Variants in ARHGEF11 observed in about 807,000 individuals in gnomAD.
ARHGEF11 encodes the protein Rho guanine nucleotide exchange factor 11, also known as Rho guanine exchange factor (GEF) 11.
A neutral mutation model predicts 193.7 loss-of-function variants in ARHGEF11; 55 were observed. The ratio of observed to expected loss-of-function variants is 0.28; its 90% CI spans 0.23 to 0.36. The LOEUF is 0.36. Ranked by LOEUF, ARHGEF11 falls within the 10% of genes least tolerant of loss-of-function variation. The pLI is 1.00. For synonymous variants in ARHGEF11, 693 were observed against 768.0 expected, an observed-to-expected ratio of 0.90 and a Z score of 1.62; for missense variants, 1,723 against 2,005.6, an observed-to-expected ratio of 0.86 and a Z score of 2.69.
At position 156,937,369 on chromosome 1, in the gene ARHGEF11, C is replaced by A. The variant is rs1232939425; in HGVS notation, c.4320G>T (p.Leu1440=). Residue 1440 remains leucine (L), a synonymous_variant, in exon 39 of 41, where the codon CTG becomes CTT. Transcript: ENST00000368194. ...GTCTTGGATCATCGTTGCCTCCCTG[C>A]AGCTGAGGCTGAGGCTCTGTCTGCC... is the stretch of plus-strand genomic sequence containing the variant. ...PAGQTEPQPQ[L]QGGNDDPRRP... 2.5e-6 allele frequency: 4 copies of A among 1,610,536 alleles called. No homozygotes were observed. Among genetic ancestry groups the A allele is most frequent in the East Asian group, 4.5e-5 (2 of 44,858 alleles).
intron 1 of ARHGEF11, among the ~76,000 whole-genome samples, chr1:156,997,573 G>A (rs762532041): frequency 6.6e-5 from 10 of 152,190 alleles, no homozygotes; most frequent in Non-Finnish European, 2.9e-5. Context: ...GAAAGCACAG[G>A]TGAGGGACAG....
rs373310420 is a variant in ARHGEF11 at position 156,936,944 on chromosome 1, G to A, written c.4502C>T (p.Thr1501Ile). The change falls in exon 40 of 41, where the codon ACC becomes ATC. Residue 1501 changes from threonine to isoleucine, a missense_variant. Physicochemically the swap from Thr to Ile is moderately conservative, Grantham distance 89 (BLOSUM62 -1). Coordinates refer to ENST00000368194, the MANE Select transcript of ARHGEF11 (RefSeq NM_198236.3). Reference sequence around the variant, plus strand: ...TGTGTGGAAACTGCCCACAGGCGTGGTGCCACCAGATGACTCTCCCCCAAG... The same window carrying A: ...TGTGTGGAAACTGCCCACAGGCGTGATGCCACCAGATGACTCTCCCCCAAG... The part of the protein sequence containing the change: ...KSLGGESSGG[T>I]TPVGSFHTEA... The A allele has an allele frequency of 1.5e-5, 24 of 1,613,964 alleles. No homozygotes were observed. Among genetic ancestry groups the A allele is most frequent in the Non-Finnish European group, 1.9e-5 (22 of 1,180,016 alleles).
chr1:156,980,391 T>A, intron 4 of ARHGEF11, 46 bp downstream of exon 4: 1 of 1,583,368 alleles, frequency 6.3e-7, no homozygotes, highest in South Asian at 1.2e-5. Flanking sequence ...GCCCTGCACA[T>A]CTATTTCCAC....
At position 157,038,593 on chromosome 1, in the gene ARHGEF11, C is replaced by G. The variant is rs184517878; in HGVS notation, c.32+5706G>C. On this transcript the variant is annotated intron_variant, in intron 1 of 40. Transcript: ENST00000368194. Reference sequence around the variant, plus strand: ...GGGAGAGGCCTTCAACCTGTCTTTACTAGGTTAAGAGACACCCTATTTGGA... The same window carrying G: ...GGGAGAGGCCTTCAACCTGTCTTTAGTAGGTTAAGAGACACCCTATTTGGA... 5.3e-5 allele frequency among the ~76,000 whole-genome samples: 8 copies of G among 152,330 alleles called. 1 individual carries two copies. The highest frequency in any genetic ancestry group is 1.7e-4 in the African/African-American group (7 of 41,580).
Position 156,946,104 on chromosome 1 carries a change from T to C in ARHGEF11, c.2753A>G (p.Glu918Gly). 2 of 1,613,690 alleles carry C rather than the reference T, an allele frequency of 1.2e-6. No individual in the cohort carries two copies. The highest frequency in any genetic ancestry group is 1.7e-6 in the Non-Finnish European group (2 of 1,179,966). ...RLQLRDLIIS[E>G]MQRLTKYPLL... Reference sequence around the variant, plus strand: ...CGGGTACTTGGTGAGCCGCTGCATCTCAGAGATGATGAGGTCTCTCAGCTG... The same window carrying C: ...CGGGTACTTGGTGAGCCGCTGCATCCCAGAGATGATGAGGTCTCTCAGCTG... Residue 918 changes from glutamate (E) to glycine (G), a missense_variant, in exon 29 of 41, where the codon GAG becomes GGG. By Grantham distance (98) the Glu-to-Gly change is moderately conservative. Around this residue, in one of 5 missense-constraint regions of ARHGEF11, gnomAD observed 491 missense variants for 654.5 expected, o/e 0.75. Coordinates refer to ENST00000368194, the MANE Select transcript of ARHGEF11 (RefSeq NM_198236.3).
chr1:156,967,523 C>CT (rs1187615875), intron 11 of ARHGEF11, among the ~76,000 whole-genome samples: 1 of 151,914 alleles, frequency 6.6e-6, no homozygotes, highest in Non-Finnish European at 1.5e-5. Context: ...TGGAAGTGCC[C>CT]TTGAGGGCAG....
At chr1:156,998,638 C>T (rs978622360) in intron 1 of ARHGEF11, among the ~76,000 whole-genome samples, 16 of 152,126 alleles carry the variant, frequency 1.1e-4, no homozygotes, top group Non-Finnish European at 1.8e-4. Flanking sequence ...TTTGCTGAAG[C>T]CCTAAGTCAG....
intron 1 of ARHGEF11, among the ~76,000 whole-genome samples, chr1:157,003,060 T>C (rs1385347964): frequency 6.6e-6 from 1 of 152,266 alleles, no homozygotes; most frequent in Non-Finnish European, 1.5e-5. Context: ...AATTCCTTAT[T>C]GATTGATTGT....
At chr1:156,937,185 A>G in intron 39 of ARHGEF11, 64 bp downstream of exon 39, 1 of 1,605,886 alleles carries the variant, frequency 6.2e-7, no homozygotes, top group Non-Finnish European at 8.5e-7. Flanking sequence ...CATCTCACTC[A>G]TGGGGAATGG....
At chr1:157,040,323 G>A (rs1327227582) in intron 1 of ARHGEF11, among the ~76,000 whole-genome samples, 4 of 152,166 alleles carry the variant, frequency 2.6e-5, no homozygotes, top group African/African-American at 4.8e-5. Flanking sequence ...CTAAATGTCT[G>A]GGGACTTCTT....
At position 156,984,354 on chromosome 1, in the gene ARHGEF11, G is replaced by T. The variant is rs773252903; in HGVS notation, c.208C>A (p.Gln70Lys). The T allele has an allele frequency of 6.3e-7, 1 of 1,590,972 alleles. No individual in the cohort carries two copies. Among genetic ancestry groups the T allele is most frequent in the East Asian group, 2.3e-5 (1 of 44,360 alleles). ...TVSGDRIVLVQSVRPGGAAMK... is the reference protein window; with the variant it reads ...TVSGDRIVLVKSVRPGGAAMK... ...CAGCACTCACCAGGCCGCACAGACT[G>T]CACCAGAACAATGCGATCCCCACTG... The change falls in exon 3 of 41, where the codon CAG becomes AAG. Residue 70 changes from glutamine to lysine, a missense_variant. Coordinates refer to ENST00000368194, the MANE Select transcript of ARHGEF11 (RefSeq NM_198236.3).
At chr1:157,007,101 AC>A (rs1470245541) in intron 1 of ARHGEF11, among the ~76,000 whole-genome samples, 1 of 152,336 alleles carries the variant, frequency 6.6e-6, no homozygotes, top group East Asian at 1.9e-4. Context: ...TTCTCCACAT[AC>A]ATTTCAGGGT....
chr1:156,940,221 G>C lies in ARHGEF11; in HGVS notation c.3719C>G (p.Ser1240Cys), dbSNP rs1168356452. The change falls in exon 36 of 41, where the codon TCC becomes TGC. Residue 1240 changes from serine (S) to cysteine (C), a missense_variant. Physicochemically the swap from Ser to Cys is moderately radical, Grantham distance 112. This residue lies in a region of ARHGEF11 where 203 missense variants were observed against 237.3 expected (regional missense o/e 0.86). Coordinates refer to ENST00000368194, the MANE Select transcript of ARHGEF11 (RefSeq NM_198236.3). The part of the protein sequence containing the change: ...GPLFMEGLAD[S>C]ALEDVENLRH... ...GAAGCACTCACCATCTTCCAGAGCG[G>C]AGTCAGCGAGCCCTTCCATGAACAG... is the stretch of plus-strand genomic sequence containing the variant. 1 of 1,588,378 alleles carries C rather than the reference G, an allele frequency of 6.3e-7. No individual in the cohort carries two copies.
chr1:156,961,794 G>C lies in ARHGEF11; in HGVS notation c.1141-19C>G. 8.1e-6 allele frequency: 13 copies of C among 1,609,066 alleles called. No individual in the cohort carries two copies. The highest frequency in any genetic ancestry group is 1.1e-5 in the Non-Finnish European group (13 of 1,175,428). Reference sequence around the variant, plus strand: ...AAAAAAGCTAGGAGGAGAGAGAACTGGGTTAGAGCAGTGGTTCTCCCCCAG... The same window carrying C: ...AAAAAAGCTAGGAGGAGAGAGAACTCGGTTAGAGCAGTGGTTCTCCCCCAG... On this transcript the variant is annotated intron_variant, in intron 13 of 40. Transcript: ENST00000368194.
At chr1:157,034,223 C>T (rs1224845359) in intron 1 of ARHGEF11, among the ~76,000 whole-genome samples, 1 of 152,166 alleles carries the variant, frequency 6.6e-6, no homozygotes, top group Non-Finnish European at 1.5e-5. Context: ...TCTCTCCAGC[C>T]ACCTCCCCCC....
In ARHGEF11 at chr1:156,968,124, A is replaced by T. The variant is rs200033917; in HGVS notation, c.826T>A (p.Ser276Thr). ...GTERFPSLSESLMNRNSVLSD... is the reference protein window; with the variant it reads ...GTERFPSLSETLMNRNSVLSD... ...AGTACCGAGTTCCGATTCATCAATG[A>T]CTAGAGAAACAAAGAATTCTGTGAG... is the stretch of plus-strand genomic sequence containing the variant. The change falls in exon 11 of 41, where the codon TCA becomes ACA. Residue 276 changes from serine (S) to threonine (T), a missense_variant and splice_region_variant. Physicochemically the swap from Ser to Thr is moderately conservative, Grantham distance 58. Transcript: ENST00000368194. The T allele has an allele frequency of 1.0e-5, 16 of 1,601,770 alleles. No homozygotes were observed. The highest frequency in any genetic ancestry group is 2.2e-5 in the East Asian group (1 of 44,646).
intron 1 of ARHGEF11, among the ~76,000 whole-genome samples, chr1:157,007,899 G>GTTTTTTT (rs11290114): frequency 3.1e-5 from 4 of 128,948 alleles, no homozygotes; most frequent in Non-Finnish European, 3.2e-5. Flanking sequence ...GAAGGCAAAG[G>GTTTTTTT]TTTTTTTTTT....
At position 156,948,237 on chromosome 1, in the gene ARHGEF11, G is replaced by A. The variant is rs979790022; in HGVS notation, c.2106-9C>T. ...TTGGGTTCTCAAGAGACCTGTGGAG[G>A]GAATGTCAACTCTCAGCAACCCTCT... On this transcript the variant is annotated splice_polypyrimidine_tract_variant and intron_variant, in intron 23 of 40. Transcript: ENST00000368194. This position sits in a 1 kb window ranked among gnomAD's most constrained non-coding sequence, Gnocchi z 4.2. The A allele has an allele frequency of 2.5e-6, 4 of 1,593,110 alleles. No individual in the cohort carries two copies. Among genetic ancestry groups the A allele is most frequent in the African/African-American group, 2.7e-5 (2 of 74,534 alleles).
At chr1:156,988,680 G>A (rs75533977) in intron 1 of ARHGEF11, among the ~76,000 whole-genome samples, 8,273 of 152,186 alleles carry the variant, frequency 0.054, 304 homozygotes, top group Non-Finnish European at 0.078. Flanking sequence ...AATTGTTAGG[G>A]GCATGGACAA....
Sources: gnomAD v4.1 joint callset for allele counts (sites outside exome capture counted in the v4.1 genomes callset) on GRCh38, gnomAD v4.1.1 for gene constraint, gnomAD v4.1.1 regional missense constraint, Gnocchi (gnomAD v3.1) non-coding constraint, MANE v1.5 for transcripts, NCBI Gene and HGNC (gene_info 2026-07-23, HGNC 2026-07-21) for gene names.